The following ASTN2 variants were observed in gnomAD, a reference collection of about 807,000 sequenced individuals.
The protein encoded by ASTN2 is astrotactin-2.
In ASTN2, 54 loss-of-function variants were observed where a neutral mutation model predicts 139.8. The ratio of observed to expected loss-of-function variants is 0.39; its 90% CI spans 0.31 to 0.48. ASTN2 has a LOEUF of 0.48. ASTN2 is among the 20% of genes least tolerant of loss of function. The pLI, the probability that ASTN2 is intolerant of heterozygous loss-of-function variation, is 0.95. For synonymous variants in ASTN2, 756 were observed against 719.5 expected (o/e 1.05, Z -0.81); for missense variants, 1,565 against 1,725.1 (o/e 0.91, Z 1.64).
intron 10 of ASTN2, among the ~76,000 whole-genome samples, chr9:116,964,309 A>G (rs978406060): frequency 2.0e-5 from 3 of 151,648 alleles, no homozygotes; most frequent in African/African-American, 7.3e-5. Context: ...TATTGGGCAG[A>G]GTAAGATACG....
intron 5 of ASTN2, among the ~76,000 whole-genome samples, chr9:117,063,232 T>A (rs1038124069): frequency 1.4e-4 from 22 of 152,226 alleles, no homozygotes; most frequent in African/African-American, 5.3e-4. Context: ...AAGGTACATT[T>A]CTTCAGGGTA....
At chr9:116,654,918 C>T (rs1858120975) in intron 16 of ASTN2, among the ~76,000 whole-genome samples, 1 of 152,178 alleles carries the variant, frequency 6.6e-6, no homozygotes, top group Admixed American at 6.5e-5. Context: ...ATCTATAGAT[C>T]TTTGCTAGTC....
chr9:116,731,178 G>GTAATAATAA (rs68099311), intron 14 of ASTN2, among the ~76,000 whole-genome samples: 1 of 140,200 alleles, frequency 7.1e-6, no homozygotes, highest in Non-Finnish European at 1.5e-5. Flanking sequence ...ATTTTTCCTG[G>GTAATAATAA]TAATAATAAT....
At chr9:116,499,677 C>T (rs554439519) in intron 19 of ASTN2, among the ~76,000 whole-genome samples, 2 of 152,230 alleles carry the variant, frequency 1.3e-5, no homozygotes, top group South Asian at 2.1e-4. Context: ...AATGAATAAG[C>T]ATGGCTTCCT....
rs932257885 is a variant in ASTN2 at position 116,488,109 on chromosome 9, C to T, written c.3356-609G>A. Among the ~76,000 whole-genome samples, 26 of 152,198 alleles carry T rather than the reference C, an allele frequency of 1.7e-4. No individual in the cohort carries two copies. In the East Asian group the frequency reaches 3.9e-3, roughly 23 times the overall value. ...ACAGGATGTACATGATGTCATGGAA[C>T]GTTCACCATGTACAGGATGGAACAA... is the stretch of plus-strand genomic sequence containing the variant. On this transcript the variant is annotated intron_variant, in intron 19 of 22. Coordinates refer to ENST00000313400, the MANE Select transcript of ASTN2 (RefSeq NM_001365068.1).
At chr9:116,680,293 G>C (rs1415543157) in intron 16 of ASTN2, among the ~76,000 whole-genome samples, 58 of 152,164 alleles carry the variant, frequency 3.8e-4, no homozygotes, top group Admixed American at 5.9e-4. Flanking sequence ...ATAAATTCCT[G>C]GACACATACA....
At chr9:117,011,773 C>T (rs1444906709) in intron 6 of ASTN2, among the ~76,000 whole-genome samples, 1 of 152,142 alleles carries the variant, frequency 6.6e-6, no homozygotes, top group Non-Finnish European at 1.5e-5. Context: ...GAGAAATTGA[C>T]ATGGTCAAAT....
intron 10 of ASTN2, among the ~76,000 whole-genome samples, chr9:116,923,670 T>C (rs1834675516): frequency 6.6e-6 from 1 of 152,164 alleles, no homozygotes; most frequent in Admixed American, 6.5e-5. Context: ...TTGTTCTGCA[T>C]TAGGGCTGGG....
intron 13 of ASTN2, among the ~76,000 whole-genome samples, chr9:116,734,746 G>A (rs1564239297): frequency 6.6e-6 from 1 of 152,226 alleles, no homozygotes; most frequent in Non-Finnish European, 1.5e-5. Flanking sequence ...AAAAGCAGCT[G>A]TAAAAGTGTT....
In ASTN2 at chr9:117,336,950, C is replaced by T. The variant is rs144337480; in HGVS notation, c.443-45437G>A. Reference sequence around the variant, plus strand: ...TACATGCTCAAAGGTATGGCTCCTCCGTTTTTCCTCTTAGCTGTGTATCTG... The same window carrying T: ...TACATGCTCAAAGGTATGGCTCCTCTGTTTTTCCTCTTAGCTGTGTATCTG... On this transcript the variant is annotated intron_variant, in intron 1 of 22. Coordinates refer to ENST00000313400, the MANE Select transcript of ASTN2 (RefSeq NM_001365068.1). Among the ~76,000 whole-genome samples, 40 of 152,260 alleles carry T rather than the reference C, an allele frequency of 2.6e-4. No individual in the cohort carries two copies. The East Asian group carries it at 6.6e-3, about 25-fold the overall frequency.
intron 19 of ASTN2, among the ~76,000 whole-genome samples, chr9:116,596,455 T>TAC (rs112597493): frequency 2.9e-4 from 44 of 151,750 alleles, no homozygotes; most frequent in African/African-American, 8.2e-4. Flanking sequence ...CACACACATG[T>TAC]ACACACACAC....
In ASTN2 at chr9:116,518,081, AT is replaced by A. The variant is rs532179009; in HGVS notation, c.3356-30582del. Reference sequence around the variant, plus strand: ...ACAAATCTAAAAGACTGGAGAACATATTTGAGGGAATAATCAAGGAAAACTT... The same window carrying A: ...ACAAATCTAAAAGACTGGAGAACATATTGAGGGAATAATCAAGGAAAACTT... On this transcript the variant is annotated intron_variant, in intron 19 of 22. Transcript: ENST00000313400. 4.6e-5 allele frequency among the ~76,000 whole-genome samples: 7 copies of A among 152,338 alleles called. No individual in the cohort carries two copies. In the South Asian group the frequency reaches 1.2e-3, roughly 27 times the overall value.
In ASTN2 at chr9:117,276,847, G is replaced by A. The variant is rs900784403; in HGVS notation, c.630+14479C>T. 4 of 152,336 alleles carry A rather than the reference G, an allele frequency of 2.6e-5. No individual in the cohort carries two copies. In the East Asian group the frequency reaches 7.7e-4, roughly 29 times the overall value. 9.4% of individuals were successfully genotyped at this position (152,336 alleles called of 1,614,324 possible). A position where few individuals can be genotyped will look rare whatever the true frequency, so the allele number is the denominator to read the frequency against. On this transcript the variant is annotated intron_variant, in intron 2 of 22. Coordinates refer to ENST00000313400, the MANE Select transcript of ASTN2 (RefSeq NM_001365068.1). ...CTTGGGCAAGGCCATTTCACTTGAT[G>A]TACCACAATGATCCAATCCATAAGA...
intron 1 of ASTN2, among the ~76,000 whole-genome samples, chr9:117,305,177 C>T (rs182951955): frequency 3.9e-5 from 6 of 152,214 alleles, no homozygotes; most frequent in Non-Finnish European, 7.3e-5. Context: ...TGTCTTTGCT[C>T]TGTGACCTTT....
At chr9:117,023,921 C>G (rs1487885479) in intron 6 of ASTN2, among the ~76,000 whole-genome samples, 1 of 152,006 alleles carries the variant, frequency 6.6e-6, no homozygotes, top group Non-Finnish European at 1.5e-5. Flanking sequence ...TTGGAACATG[C>G]AATATGGCAT....
At chr9:117,024,462 A>T (rs1403392228) in intron 6 of ASTN2, among the ~76,000 whole-genome samples, 1 of 152,108 alleles carries the variant, frequency 6.6e-6, no homozygotes. Context: ...AGATCTAAAT[A>T]TACTGAGCTC....
At chr9:117,225,619 T>C (rs1050706371) in intron 2 of ASTN2, among the ~76,000 whole-genome samples, 1 of 138,634 alleles carries the variant, frequency 7.2e-6, no homozygotes, top group Non-Finnish European at 1.5e-5. Context: ...CCCTCATTCA[T>C]TGATTTACTT....
intron 20 of ASTN2, among the ~76,000 whole-genome samples, chr9:116,479,067 C>T (rs1564305504): frequency 6.6e-6 from 1 of 150,712 alleles, no homozygotes; most frequent in East Asian, 2.0e-4. Context: ...TGAGATGGCC[C>T]CTTTCAAACC....
chr9:117,218,552 G>A (rs901727705), intron 2 of ASTN2, among the ~76,000 whole-genome samples: 10 of 152,278 alleles, frequency 6.6e-5, no homozygotes, highest in South Asian at 4.1e-4. Flanking sequence ...CTTAGGTAAC[G>A]TTGCAAGCAC....
Sources: gnomAD v4.1 joint callset for allele counts (sites outside exome capture counted in the v4.1 genomes callset) on GRCh38, gnomAD v4.1.1 for gene constraint, MANE v1.5 for transcripts, NCBI Gene and HGNC (gene_info 2026-07-23, HGNC 2026-07-21) for gene names.